RBM47: variants seen among roughly 807,000 people sequenced by gnomAD.
RBM47 encodes the protein RNA-binding protein 47.
RBM47 carries 21 observed loss-of-function variants against 47.1 expected under a neutral mutation model. That is an observed-to-expected ratio of 0.45 (90% CI 0.32 to 0.64). The LOEUF is 0.64. Among genes scored for constraint, RBM47 ranks in the 30% least tolerant of loss-of-function variants. The pLI is 0.05. For missense variants in RBM47, 708 were observed against 870.9 expected (o/e 0.81, Z 2.35); for synonymous variants, 375 against 361.7 (o/e 1.04, Z -0.42).
chr4:40,561,582 C>T (rs1457263515), intron 1 of RBM47, among the ~76,000 whole-genome samples: 12 of 140,230 alleles, frequency 8.6e-5, no homozygotes, highest in African/African-American at 3.4e-4. Context: ...CAGGGTCTTG[C>T]TCTGTCACCC....
At chr4:40,427,065 C>T (rs1415312702) in intron 6 of RBM47, 2 of 152,202 alleles carry the variant, frequency 1.3e-5, no homozygotes, top group Non-Finnish European at 2.9e-5. Context: ...GAGGAACAGA[C>T]TGTGTCAACT....
rs1474230844 is a variant in RBM47 at position 40,437,059 on chromosome 4, G to T, written c.1124-412C>A. 3.7e-4 allele frequency among the ~76,000 whole-genome samples: 32 copies of T among 86,702 alleles called. 1 individual carries two copies. The highest frequency in any genetic ancestry group is 9.3e-4 in the Admixed American group (6 of 6,452). 56.9% of individuals were successfully genotyped at this position (86,702 alleles called of 152,430 possible). On this transcript the variant is annotated intron_variant, in intron 4 of 6. Coordinates refer to ENST00000295971, the MANE Select transcript of RBM47 (RefSeq NM_001098634.2). Reference sequence around the variant, plus strand: ...GTTCAAGACCAGCCTGGGGAGCATGGTGAGACCCTGTCTCAAAAAAAAAAA... The same window carrying T: ...GTTCAAGACCAGCCTGGGGAGCATGTTGAGACCCTGTCTCAAAAAAAAAAA...
chr4:40,542,357 C>G (rs567821972), intron 2 of RBM47, among the ~76,000 whole-genome samples: 34 of 152,260 alleles, frequency 2.2e-4, no homozygotes, highest in Non-Finnish European at 4.4e-4. Context: ...ATACTGGGCC[C>G]CTGCAAAGGC....
At chr4:40,526,652 C>A (rs1726741203) in intron 2 of RBM47, among the ~76,000 whole-genome samples, 1 of 152,082 alleles carries the variant, frequency 6.6e-6, no homozygotes, top group Non-Finnish European at 1.5e-5. Flanking sequence ...CAGCTCACTG[C>A]AGCCTCAACC....
chr4:40,605,786 G>C (rs1291803059), intron 1 of RBM47, among the ~76,000 whole-genome samples: 1 of 150,044 alleles, frequency 6.7e-6, no homozygotes, highest in Non-Finnish European at 1.5e-5. Flanking sequence ...AGCCCAGATC[G>C]CACCACTGCA....
At chr4:40,440,147 A>C (rs1177624659) in intron 3 of RBM47, among the ~76,000 whole-genome samples, 2 of 152,230 alleles carry the variant, frequency 1.3e-5, no homozygotes, top group African/African-American at 4.8e-5. Flanking sequence ...TTAAAAAATG[A>C]AATCTATTTC....
chr4:40,622,761 A>G (rs928352241), intron 1 of RBM47, among the ~76,000 whole-genome samples: 1 of 152,198 alleles, frequency 6.6e-6, no homozygotes, highest in African/African-American at 2.4e-5. Flanking sequence ...GCATGTCTGT[A>G]ATCCTAGCTA....
intron 1 of RBM47, among the ~76,000 whole-genome samples, chr4:40,595,797 T>TG (rs1312645162): frequency 1.3e-5 from 2 of 150,268 alleles, no homozygotes; most frequent in Non-Finnish European, 3.0e-5. Context: ...CCCAGCTACT[T>TG]GGGAGGCTGA....
chr4:40,616,387 C>A (rs1185046831), intron 1 of RBM47, among the ~76,000 whole-genome samples: 1 of 148,660 alleles, frequency 6.7e-6, no homozygotes, highest in Non-Finnish European at 1.5e-5. Flanking sequence ...AAAATCACTT[C>A]TTTGGTCATT....
At chr4:40,522,021 G>A (rs1389891388) in intron 2 of RBM47, among the ~76,000 whole-genome samples, 1 of 152,016 alleles carries the variant, frequency 6.6e-6, no homozygotes, top group Non-Finnish European at 1.5e-5. Context: ...ATACTGAAAT[G>A]TTTCAATATT....
intron 2 of RBM47, among the ~76,000 whole-genome samples, chr4:40,496,979 T>A (rs544428490): frequency 8.1e-4 from 120 of 147,312 alleles, no homozygotes; most frequent in African/African-American, 2.9e-3. Context: ...AGGCGGAGGT[T>A]GCGGTGAGCC....
rs1255532486 is a variant in RBM47, at chr4:40,430,259, AC to A, written c.1542+2391del. Among the ~76,000 whole-genome samples the A allele has an allele frequency of 3.6e-3, 524 of 144,146 alleles. 1 individual carries two copies. Among genetic ancestry groups the A allele is most frequent in the African/African-American group, 0.013 (503 of 38,802 alleles). The allele number at this position is 144,146 out of a possible 152,430, so 94.6% of individuals were successfully genotyped here. On this transcript the variant is annotated intron_variant, in intron 6 of 6. Coordinates refer to ENST00000295971, the MANE Select transcript of RBM47 (RefSeq NM_001098634.2). ...AAAGACAAAAACAAACAAAAAAAAA[AC>A]CCTGATGGCAACAGCCAGTGCGGAC...
intron 1 of RBM47, among the ~76,000 whole-genome samples, chr4:40,615,266 C>T (rs1178092602): frequency 6.6e-6 from 1 of 152,096 alleles, no homozygotes; most frequent in Non-Finnish European, 1.5e-5. Flanking sequence ...TGGTGAAACC[C>T]TGTCTCTACA....
chr4:40,431,574 C>A (rs1232101565), intron 6 of RBM47, among the ~76,000 whole-genome samples: 1 of 151,096 alleles, frequency 6.6e-6, no homozygotes, highest in East Asian at 2.0e-4. Context: ...AGGAGAATGG[C>A]GTGAACCTGG....
intron 2 of RBM47, among the ~76,000 whole-genome samples, chr4:40,516,823 G>A (rs772228552): frequency 3.3e-5 from 5 of 152,038 alleles, no homozygotes; most frequent in Admixed American, 6.6e-5. Flanking sequence ...TGCTCTCCCC[G>A]CCACCTGTGG....
intron 1 of RBM47, among the ~76,000 whole-genome samples, chr4:40,619,368 C>T (rs543197828): frequency 6.6e-6 from 1 of 152,242 alleles, no homozygotes; most frequent in South Asian, 2.1e-4. Context: ...TTTAAGACTG[C>T]AGTGAGCCAT....
At chr4:40,454,156 C>G (rs112493417) in intron 3 of RBM47, among the ~76,000 whole-genome samples, 523 of 152,286 alleles carry the variant, frequency 3.4e-3, no homozygotes, top group African/African-American at 0.011. Flanking sequence ...TAAGTAGCAG[C>G]AGAGATGATA....
At position 40,507,662 on chromosome 4, in the gene RBM47, C is replaced by T. The variant is rs555126344; in HGVS notation, c.-155+36760G>A. 3.3e-5 allele frequency among the ~76,000 whole-genome samples: 5 copies of T among 152,216 alleles called. No homozygotes were observed. In the East Asian group the frequency reaches 9.7e-4, roughly 29 times the overall value. Reference sequence around the variant, plus strand: ...ATTAGCCGGGCGTGGTGGCGTGCACCTGTAATCCCAGCTACTTGGGAGGCT... The same window carrying T: ...ATTAGCCGGGCGTGGTGGCGTGCACTTGTAATCCCAGCTACTTGGGAGGCT... On this transcript the variant is annotated intron_variant, in intron 2 of 6. Transcript: ENST00000295971.
At position 40,545,591 on chromosome 4, in the gene RBM47, G is replaced by T. The variant is rs189450620; in HGVS notation, c.-239-1085C>A. On this transcript the variant is annotated intron_variant, in intron 1 of 6. Transcript: ENST00000295971. ...ACACAGGAGAACTGCTTGAACTCGG[G>T]AGGCGGAGGTTGCAGTGAGCCAAGA... Among the ~76,000 whole-genome samples, 171 of 147,552 alleles carry T rather than the reference G, an allele frequency of 1.2e-3. 2 individuals carry two copies. Among genetic ancestry groups the T allele is most frequent in the South Asian group, 9.4e-3 (45 of 4,792 alleles).
Sources: allele counts gnomAD v4.1 joint callset (sites outside exome capture counted in the v4.1 genomes callset), GRCh38; gene constraint gnomAD v4.1.1; transcripts MANE v1.5; gene names NCBI Gene and HGNC (gene_info 2026-07-23, HGNC 2026-07-21).